The following PPIL2 variants were observed in gnomAD, a reference collection of about 807,000 sequenced individuals.
The protein encoded by PPIL2 is RING-type E3 ubiquitin-protein ligase PPIL2.
In PPIL2, 50 loss-of-function variants were observed where a neutral mutation model predicts 75.2. The observed-to-expected ratio is 0.66, with a 90% CI of 0.53 to 0.84. PPIL2 has a LOEUF of 0.84. Among genes scored for constraint, PPIL2 ranks in the 40% least tolerant of loss-of-function variants. The pLI, the probability that PPIL2 is intolerant of heterozygous loss-of-function variation, is 0.00. For missense variants in PPIL2, 590 were observed against 685.0 expected, an observed-to-expected ratio of 0.86 and a Z score of 1.55; for synonymous variants, 245 against 258.8, an observed-to-expected ratio of 0.95 and a Z score of 0.51.
rs139911913 is a variant in PPIL2, at chr22:21,675,504, C to G, written c.295+389C>G. ...TGAGCCAAGATGGTGCCACTGCACT[C>G]CAGCCTGGCAACAGAGCGAGACTCT... On this transcript the variant is annotated intron_variant, in intron 6 of 19. Transcript: ENST00000398831. 8.0e-3 allele frequency among the ~76,000 whole-genome samples: 1,222 copies of G among 152,202 alleles called. 23 individuals are homozygous for G. Among genetic ancestry groups the G allele is most frequent in the African/African-American group, 0.028 (1,169 of 41,530 alleles).
intron 2 of PPIL2, 130 bp from the exon 3 acceptor site, chr22:21,670,436 C>G: frequency 6.8e-7 from 1 of 1,463,368 alleles, no homozygotes; most frequent in Admixed American, 2.1e-5. Context: ...GGTTTTTAAT[C>G]CACAGCAATT....
rs1458976484 is a variant in PPIL2 at position 21,668,761 on chromosome 22, G to A, written c.33-1152G>A. ...GAGTCTCGCTCTGTCGCCCAGGCTGGAGTGCGGTGGCATGGTCTCCGCTCA... is the reference window on the plus strand; with the variant it reads ...GAGTCTCGCTCTGTCGCCCAGGCTGAAGTGCGGTGGCATGGTCTCCGCTCA... On this transcript the variant is annotated intron_variant, in intron 1 of 19. Coordinates refer to ENST00000398831, the MANE Select transcript of PPIL2 (RefSeq NM_014337.4). Among the ~76,000 whole-genome samples the A allele has an allele frequency of 2.0e-5, 3 of 148,002 alleles. No individual in the cohort carries two copies. The East Asian group carries it at 6.0e-4, about 29-fold the overall frequency.
intron 6 of PPIL2, among the ~76,000 whole-genome samples, chr22:21,679,902 A>T (rs1172912001): frequency 6.6e-6 from 1 of 151,594 alleles, no homozygotes; most frequent in East Asian, 2.0e-4. Context: ...CCTGGCTAAC[A>T]CGGTGAAACC....
At chr22:21,688,348 G>A (rs2067468894) in intron 14 of PPIL2, among the ~76,000 whole-genome samples, 1 of 152,316 alleles carries the variant, frequency 6.6e-6, no homozygotes, top group African/African-American at 2.4e-5. Flanking sequence ...TGGGCCCCTG[G>A]GGTCTGCCTC....
intron 5 of PPIL2, among the ~76,000 whole-genome samples, chr22:21,672,818 T>C (rs1008934706): frequency 6.6e-6 from 1 of 152,194 alleles, no homozygotes; most frequent in African/African-American, 2.4e-5. Context: ...CTCTTTCCTA[T>C]GGCCTGGGGC....
At chr22:21,683,598 G>A (rs936670765) in intron 9 of PPIL2, among the ~76,000 whole-genome samples, 86 of 152,380 alleles carry the variant, frequency 5.6e-4, no homozygotes, top group African/African-American at 2.0e-3. Context: ...CAGGACTCAT[G>A]TTCAGAGGTC....
At chr22:21,694,042 C>T (rs1344998910) in intron 16 of PPIL2, among the ~76,000 whole-genome samples, 170 bp downstream of exon 16, 1 of 152,162 alleles carries the variant, frequency 6.6e-6, no homozygotes, top group Non-Finnish European at 1.5e-5. Flanking sequence ...GCTCCATGTG[C>T]CAGGGAAGTC....
chr22:21,678,448 C>G (rs2066968547), intron 6 of PPIL2, among the ~76,000 whole-genome samples: 1 of 152,000 alleles, frequency 6.6e-6, no homozygotes, highest in African/African-American at 2.4e-5. Flanking sequence ...CCAGGCTGGT[C>G]TCGAACTCCT....
rs2067976297 is a variant in PPIL2, at chr22:21,697,328, C to CCTGA, written c.*1840_*1843dup. On this transcript the variant is annotated 3_prime_UTR_variant, in exon 20 of 20. Transcript: ENST00000398831. The stretch of plus-strand genomic sequence containing the variant: ...GGTTTGGAGAGGACCCTGTGCCCAC[C>CCTGA]CTGACAGACACCCTGGCTGGCCCTG... 1 of 292,454 alleles carries CCTGA rather than the reference C, an allele frequency of 3.4e-6. No individual in the cohort carries two copies. Among genetic ancestry groups the CCTGA allele is most frequent in the Non-Finnish European group, 6.5e-6 (1 of 152,894 alleles). The allele number at this position is 292,454 out of a possible 1,614,324, so 18.1% of individuals were successfully genotyped here.
chr22:21,682,349 T>G, intron 7 of PPIL2, 88 bp from the exon 8 acceptor site: 1 of 1,135,022 alleles, frequency 8.8e-7, no homozygotes, highest in Non-Finnish European at 1.3e-6. Flanking sequence ...CGTGCCATGG[T>G]CGGGGCCAGC....
chr22:21,670,385 T>C, intron 2 of PPIL2, 181 bp from the exon 3 acceptor site: 3 of 1,486,188 alleles, frequency 2.0e-6, no homozygotes, highest in Non-Finnish European at 2.7e-6. Flanking sequence ...CAGTAAGTTC[T>C]TTTTTGATGT....
intron 5 of PPIL2, among the ~76,000 whole-genome samples, chr22:21,672,969 C>A (rs2066693352): frequency 6.6e-6 from 1 of 152,220 alleles, no homozygotes; most frequent in African/African-American, 2.4e-5. Context: ...TGTCTCAGCT[C>A]TTCTGGCCCT....
chr22:21,677,480 C>T (rs917023143), intron 6 of PPIL2, among the ~76,000 whole-genome samples: 3 of 152,242 alleles, frequency 2.0e-5, no homozygotes, highest in South Asian at 2.1e-4. Flanking sequence ...AGGTCACTCG[C>T]GGTTAGGAGC....
chr22:21,692,421 T>A (rs191210670), intron 15 of PPIL2, among the ~76,000 whole-genome samples: 1 of 151,900 alleles, frequency 6.6e-6, no homozygotes, highest in East Asian at 2.0e-4. Flanking sequence ...CCCAAAGTGC[T>A]GGGATTACAG....
rs1333509549 is a variant in PPIL2, at chr22:21,696,417, C to T, written c.*927C>T. ...TGAAGTGGCCTTGCTGCTCTCAGGC[C>T]CGGCCACTGGGCTCCAAGACTCTGC... is the stretch of plus-strand genomic sequence containing the variant. On this transcript the variant is annotated 3_prime_UTR_variant, in exon 20 of 20. Transcript: ENST00000398831. 4.3e-6 allele frequency: 5 copies of T among 1,176,152 alleles called. No individual in the cohort carries two copies. The highest frequency in any genetic ancestry group is 5.3e-6 in the Non-Finnish European group (5 of 940,968). 72.9% of individuals were successfully genotyped at this position (1,176,152 alleles called of 1,614,324 possible).
chr22:21,695,529 G>A lies in PPIL2; in HGVS notation c.*39G>A. 1.3e-6 allele frequency: 2 copies of A among 1,563,416 alleles called. No homozygotes were observed. The highest frequency in any genetic ancestry group is 1.7e-6 in the Non-Finnish European group (2 of 1,153,406). On this transcript the variant is annotated 3_prime_UTR_variant, in exon 20 of 20. Transcript: ENST00000398831. ...GCTGTGGACCTTGGTGGGGTTGCAG[G>A]GCTGGGGGCCCATGTCCACATCTCC...
In PPIL2 at chr22:21,695,735, C is replaced by G. The variant is rs1034905443; in HGVS notation, c.*245C>G. ...AGAGCCCACTGCTGGGACCTTCAAGCACAAGGCCTGCCCTACACCCAGGCT... is the reference window on the plus strand; with the variant it reads ...AGAGCCCACTGCTGGGACCTTCAAGGACAAGGCCTGCCCTACACCCAGGCT... On this transcript the variant is annotated 3_prime_UTR_variant, in exon 20 of 20. Transcript: ENST00000398831. 7.5e-7 allele frequency: 1 copy of G among 1,330,690 alleles called. No homozygotes were observed. Among genetic ancestry groups the G allele is most frequent in the East Asian group, 3.3e-5 (1 of 30,682 alleles). 82.4% of individuals were successfully genotyped at this position (1,330,690 alleles called of 1,614,324 possible). A position where few individuals can be genotyped will look rare whatever the true frequency, so the allele number is the denominator to read the frequency against.
chr22:21,689,950 C>T (rs932821525), intron 15 of PPIL2, among the ~76,000 whole-genome samples: 5 of 152,148 alleles, frequency 3.3e-5, no homozygotes, highest in East Asian at 3.8e-4. Flanking sequence ...GTCGTGGCTT[C>T]GCCGTGGCCT....
In PPIL2 at chr22:21,695,755, C is replaced by T; in HGVS notation, c.*265C>T. On this transcript the variant is annotated 3_prime_UTR_variant, in exon 20 of 20. Coordinates refer to ENST00000398831, the MANE Select transcript of PPIL2 (RefSeq NM_014337.4). ...TCAAGCACAAGGCCTGCCCTACACC[C>T]AGGCTGGTGCCTCAGGCCTCCCCTC... The T allele has an allele frequency of 7.7e-7, 1 of 1,296,374 alleles. No homozygotes were observed. Among genetic ancestry groups the T allele is most frequent in the Non-Finnish European group, 9.9e-7 (1 of 1,012,670 alleles). The allele number at this position is 1,296,374 out of a possible 1,614,324, so 80.3% of individuals were successfully genotyped here. A position where few individuals can be genotyped will look rare whatever the true frequency, so the allele number is the denominator to read the frequency against.
Sources: allele counts gnomAD v4.1 joint callset (sites outside exome capture counted in the v4.1 genomes callset), GRCh38; gene constraint gnomAD v4.1.1; transcripts MANE v1.5; gene names NCBI Gene and HGNC (gene_info 2026-07-23, HGNC 2026-07-21).